Variants in FBXO21 observed in about 807,000 individuals in gnomAD.
The protein encoded by FBXO21 is F-box protein 21.
A neutral mutation model predicts 76.6 loss-of-function variants in FBXO21; 32 were observed. The ratio of observed to expected loss-of-function variants is 0.42; its 90% confidence interval spans 0.32 to 0.56. FBXO21 has a LOEUF of 0.56. Ranked by LOEUF, FBXO21 falls within the 20% of genes least tolerant of loss-of-function variation. The pLI is 0.16. For synonymous variants in FBXO21, 328 were observed against 311.5 expected (o/e 1.05, Z -0.56); for missense variants, 586 against 797.3 (o/e 0.73, Z 3.19).
intron 3 of FBXO21, among the ~76,000 whole-genome samples, chr12:117,184,152 A>G (rs1319249138): frequency 1.3e-5 from 2 of 151,856 alleles, no homozygotes; most frequent in African/African-American, 2.4e-5. Flanking sequence ...TCTTCTGTAT[A>G]TATTTTATGA....
chr12:117,148,604 G>A (rs578000140), intron 11 of FBXO21, among the ~76,000 whole-genome samples: 10 of 152,344 alleles, frequency 6.6e-5, no homozygotes, highest in East Asian at 1.9e-4. Context: ...ACCCCACAGC[G>A]GTGTCACAGG....
chr12:117,151,833 C>T (rs1008465747), intron 11 of FBXO21, among the ~76,000 whole-genome samples: 8 of 151,904 alleles, frequency 5.3e-5, no homozygotes, highest in African/African-American at 1.4e-4. Context: ...AATCACCACT[C>T]GGCAATTCTC....
rs1955765295 is a variant in FBXO21, at chr12:117,146,030, G to A, written c.*57C>T. On this transcript the variant is annotated 3_prime_UTR_variant, in exon 12 of 12. Coordinates refer to ENST00000622495, the MANE Select transcript of FBXO21 (RefSeq NM_015002.3). ...CTCCGTGGAGACGTCTTCTTCCGGA[G>A]TCCCGTTCTCTTGGAAGATAGCAGC... is the stretch of plus-strand genomic sequence containing the variant. The A allele has an allele frequency of 2.0e-5, 28 of 1,428,166 alleles. No individual in the cohort carries two copies. Among genetic ancestry groups the A allele is most frequent in the Non-Finnish European group, 2.6e-5 (28 of 1,058,798 alleles). 88.5% of individuals were successfully genotyped at this position (1,428,166 alleles called of 1,614,324 possible). A position where few individuals can be genotyped will look rare whatever the true frequency, so the allele number is the denominator to read the frequency against.
intron 9 of FBXO21, among the ~76,000 whole-genome samples, chr12:117,163,758 C>T (rs1423541223): frequency 6.6e-6 from 1 of 151,738 alleles, no homozygotes; most frequent in African/African-American, 2.4e-5. Flanking sequence ...GCCTGGCCAA[C>T]ATGGTGAAAC....
intron 7 of FBXO21, among the ~76,000 whole-genome samples, chr12:117,171,377 A>G (rs1322758987): frequency 6.6e-6 from 1 of 151,726 alleles, no homozygotes; most frequent in Admixed American, 6.6e-5. Context: ...AAAAAAAAAA[A>G]AAAAGAAATA....
intron 2 of FBXO21, among the ~76,000 whole-genome samples, chr12:117,187,670 G>GA (rs1375064703): frequency 3.9e-5 from 6 of 152,088 alleles, no homozygotes; most frequent in African/African-American, 1.4e-4. Flanking sequence ...GGGAGCTGAG[G>GA]AAAAAACACA....
intron 11 of FBXO21, among the ~76,000 whole-genome samples, chr12:117,148,862 C>T (rs930737927): frequency 6.6e-6 from 1 of 152,238 alleles, no homozygotes; most frequent in African/African-American, 2.4e-5. Context: ...GGACCTCCCA[C>T]TTTTCCCCGA....
chr12:117,182,843 G>A (rs985212780), intron 3 of FBXO21, among the ~76,000 whole-genome samples: 5 of 152,118 alleles, frequency 3.3e-5, no homozygotes, highest in East Asian at 1.9e-4. Context: ...GATTACAGGC[G>A]TGAGCCACCA....
rs974670689 is a variant in FBXO21 at position 117,144,895 on chromosome 12, C to T, written c.*1192G>A. On this transcript the variant is annotated 3_prime_UTR_variant, in exon 12 of 12. Transcript: ENST00000622495. ...GGCTTCGTCCTGCTGCCGTCAGGACCCTGGCGGCTTGGAAAAGCAGATTCC... is the reference window on the plus strand; with the variant it reads ...GGCTTCGTCCTGCTGCCGTCAGGACTCTGGCGGCTTGGAAAAGCAGATTCC... The T allele has an allele frequency of 3.3e-5, 5 of 152,102 alleles. No individual in the cohort carries two copies. Among genetic ancestry groups the T allele is most frequent in the Non-Finnish European group, 5.9e-5 (4 of 68,026 alleles). The allele number at this position is 152,102 out of a possible 1,614,324, so 9.4% of individuals were successfully genotyped here.
intron 3 of FBXO21, among the ~76,000 whole-genome samples, chr12:117,185,614 C>T (rs1429178829): frequency 1.3e-5 from 2 of 152,136 alleles, no homozygotes; most frequent in East Asian, 3.9e-4. Flanking sequence ...ATAAGGGGTT[C>T]TTCTTGATCA....
intron 6 of FBXO21, among the ~76,000 whole-genome samples, chr12:117,173,967 G>T (rs1354760152): frequency 6.6e-6 from 1 of 152,030 alleles, no homozygotes; most frequent in Non-Finnish European, 1.5e-5. Flanking sequence ...AACATAGCAA[G>T]ACCTCATTTC....
At chr12:117,187,420 C>CAAAA (rs921514232) in intron 2 of FBXO21, among the ~76,000 whole-genome samples, 3 of 59,700 alleles carry the variant, frequency 5.0e-5, no homozygotes, top group Admixed American at 1.9e-4. Flanking sequence ...AACTCTGTCT[C>CAAAA]AAAAAAAAAA....
rs558374918 is a variant in FBXO21 at position 117,172,670 on chromosome 12, A to C, written c.877-63T>G. 4.3e-5 allele frequency: 66 copies of C among 1,543,500 alleles called. No homozygotes were observed. The Admixed American group carries it at 8.4e-4, about 20-fold the overall frequency. On this transcript the variant is annotated intron_variant, in intron 6 of 11. Coordinates refer to ENST00000622495, the MANE Select transcript of FBXO21 (RefSeq NM_015002.3). ...ACTATACGTTCTCATTCTTTCAATA[A>C]ACATTCTCATTAGGCACCTATTGTG...
intron 3 of FBXO21, among the ~76,000 whole-genome samples, chr12:117,181,415 G>A (rs941042672): frequency 2.0e-5 from 3 of 151,494 alleles, no homozygotes; most frequent in Non-Finnish European, 4.4e-5. Flanking sequence ...TACCTTTTTT[G>A]CTTGGATGCT....
At position 117,165,961 on chromosome 12, in the gene FBXO21, G is replaced by A. The variant is rs192244849; in HGVS notation, c.1194-344C>T. Among the ~76,000 whole-genome samples, 22 of 152,174 alleles carry A rather than the reference G, an allele frequency of 1.4e-4. 1 individual carries two copies. In the East Asian group the frequency reaches 4.3e-3, roughly 29 times the overall value. On this transcript the variant is annotated intron_variant, in intron 8 of 11. Coordinates refer to ENST00000622495, the MANE Select transcript of FBXO21 (RefSeq NM_015002.3). ...TCCCACCACTTTGGGAGGCCAAGGC[G>A]GGCGGATCACCTGAGGTTGGGAGTT...
intron 7 of FBXO21, among the ~76,000 whole-genome samples, chr12:117,172,040 G>C (rs1956123136): frequency 6.6e-6 from 1 of 152,126 alleles, no homozygotes; most frequent in Non-Finnish European, 1.5e-5. Context: ...TCCCACTCAT[G>C]TGGGACAAAG....
intron 11 of FBXO21, 25 bp downstream of exon 11, chr12:117,155,766 G>A (rs1159664871): frequency 1.2e-6 from 2 of 1,603,032 alleles, no homozygotes; most frequent in Admixed American, 3.4e-5. Context: ...CGGGGCCACT[G>A]GCACAAGCGG....
intron 11 of FBXO21, among the ~76,000 whole-genome samples, chr12:117,149,179 T>C (rs1354275795): frequency 6.6e-6 from 1 of 152,156 alleles, no homozygotes; most frequent in Non-Finnish European, 1.5e-5. Flanking sequence ...CTTTTCTTTT[T>C]TGTAGAGACA....
At chr12:117,147,597 C>CAAAAAAA (rs57318190) in intron 11 of FBXO21, among the ~76,000 whole-genome samples, 3 of 87,400 alleles carry the variant, frequency 3.4e-5, no homozygotes, top group Non-Finnish European at 6.7e-5. Context: ...GACTCCATCT[C>CAAAAAAA]AAAAAAAAAA....
Sources: allele counts gnomAD v4.1 joint callset (sites outside exome capture counted in the v4.1 genomes callset), GRCh38; gene constraint gnomAD v4.1.1; transcripts MANE v1.5; gene names NCBI Gene and HGNC (gene_info 2026-07-23, HGNC 2026-07-21).